The following HCK variants were observed in gnomAD, a reference collection of about 807,000 sequenced individuals.
The protein encoded by HCK is HCK proto-oncogene, Src family tyrosine kinase.
In HCK, 40 loss-of-function variants were observed where a neutral mutation model predicts 70.4. The ratio of observed to expected loss-of-function variants is 0.57; its 90% CI spans 0.44 to 0.74. The LOEUF (loss-of-function observed/expected upper bound fraction) is 0.74, where lower values mean the gene tolerates loss of function less well. Ranked by LOEUF, HCK falls within the 30% of genes least tolerant of loss-of-function variation. The probability of loss-of-function intolerance (pLI) is 0.00; values close to 1 mark genes in which losing one functional copy is unlikely to be tolerated. For missense variants in HCK, 568 were observed against 697.2 expected, an observed-to-expected ratio of 0.81 and a Z score of 2.09; for synonymous variants, 245 against 263.2, an observed-to-expected ratio of 0.93 and a Z score of 0.67.
At chr20:32,080,280 C>T (rs144550500) in intron 6 of HCK, among the ~76,000 whole-genome samples, 14 of 152,120 alleles carry the variant, frequency 9.2e-5, no homozygotes, top group African/African-American at 2.4e-4. Flanking sequence ...CTCACTGCAA[C>T]CTCCACCTCC....
At chr20:32,099,350 C>CTT (rs71336559) in intron 12 of HCK, among the ~76,000 whole-genome samples, 1,291 of 85,146 alleles carry the variant, frequency 0.015, 1 homozygote, top group Non-Finnish European at 0.02. Context: ...ACTCCTATGA[C>CTT]TTTTTTTTTT....
At chr20:32,078,559 A>G (rs773888581) in intron 5 of HCK, among the ~76,000 whole-genome samples, 1 of 151,812 alleles carries the variant, frequency 6.6e-6, no homozygotes, top group Non-Finnish European at 1.5e-5. Context: ...CCTCAATTTC[A>G]TCATCCATAA....
chr20:32,088,310 G>A (rs1405013695), intron 9 of HCK, among the ~76,000 whole-genome samples: 1 of 152,182 alleles, frequency 6.6e-6, no homozygotes, highest in Non-Finnish European at 1.5e-5. Flanking sequence ...TGCCAGTCCT[G>A]TGAAGGCATG....
intron 5 of HCK, among the ~76,000 whole-genome samples, chr20:32,077,381 G>T (rs144486157): frequency 0.01 from 1,551 of 152,250 alleles, 16 homozygotes; most frequent in Admixed American, 0.02. Flanking sequence ...CCAGTTTCTC[G>T]TGAGTCCTCC....
chr20:32,083,783 C>T, intron 6 of HCK, 111 bp from the exon 7 acceptor site: 4 of 1,314,302 alleles, frequency 3.0e-6, no homozygotes, highest in Non-Finnish European at 4.4e-6. Context: ...GGCACTTCTG[C>T]CCAGGTGTCA....
intron 1 of HCK, among the ~76,000 whole-genome samples, chr20:32,065,755 C>G (rs535490430): frequency 6.6e-6 from 1 of 152,254 alleles, no homozygotes; most frequent in African/African-American, 2.4e-5. Context: ...ATTGGCCAGG[C>G]CTGTGTCAAG....
chr20:32,100,145 C>A (rs748744998), intron 12 of HCK, among the ~76,000 whole-genome samples: 2 of 152,038 alleles, frequency 1.3e-5, no homozygotes, highest in East Asian at 3.9e-4. Context: ...CAGGCTCAAA[C>A]GATCCTCCAG....
At chr20:32,058,177 G>C (rs1454963951) in intron 1 of HCK, among the ~76,000 whole-genome samples, 1 of 152,078 alleles carries the variant, frequency 6.6e-6, no homozygotes, top group Non-Finnish European at 1.5e-5. Flanking sequence ...CCAAAGACAG[G>C]TTGTGATGCA....
chr20:32,052,952 C>A (rs1045682296), intron 1 of HCK, among the ~76,000 whole-genome samples: 1 of 152,058 alleles, frequency 6.6e-6, no homozygotes, highest in Admixed American at 6.5e-5. Context: ...GCGTGACGTG[C>A]GAGCCACACC....
chr20:32,061,204 G>A lies in HCK; in HGVS notation c.62+8718G>A, dbSNP rs374136464. ...TCACCATGTTGGCCAGGCTGGTCTT[G>A]AACTCCTGACCTTGTGATTCGCCCG... is the stretch of plus-strand genomic sequence containing the variant. On this transcript the variant is annotated intron_variant, in intron 1 of 12. Coordinates refer to ENST00000375852, the MANE Select transcript of HCK (RefSeq NM_002110.5). 4.2e-4 allele frequency among the ~76,000 whole-genome samples: 64 copies of A among 152,262 alleles called. 2 individuals carry two copies. In the South Asian group the frequency reaches 5.4e-3, roughly 13 times the overall value.
chr20:32,079,666 C>G (rs2045679636), intron 5 of HCK, 108 bp from the exon 6 acceptor site: 1 of 715,312 alleles, frequency 1.4e-6, no homozygotes, highest in East Asian at 2.7e-5. Context: ...GCCAGACCCT[C>G]TGTATCCTGA....
At chr20:32,097,385 C>T (rs1010699337) in intron 11 of HCK, among the ~76,000 whole-genome samples, 1 of 152,084 alleles carries the variant, frequency 6.6e-6, no homozygotes, top group Admixed American at 6.6e-5. Context: ...CGAGACCATC[C>T]TGGCTAACAC....
intron 11 of HCK, among the ~76,000 whole-genome samples, chr20:32,095,358 C>T (rs536947832): frequency 6.6e-6 from 1 of 151,976 alleles, no homozygotes. Context: ...CAGGTTCAAG[C>T]GATTCTTGTG....
chr20:32,054,148 A>C, intron 1 of HCK: 1 of 437,874 alleles, frequency 2.3e-6, no homozygotes. Flanking sequence ...AATTTACTAA[A>C]AGTAACAGAA....
chr20:32,063,580 C>A (rs2045411750), intron 1 of HCK, among the ~76,000 whole-genome samples: 1 of 152,082 alleles, frequency 6.6e-6, no homozygotes, highest in Non-Finnish European at 1.5e-5. Context: ...GGCATGGCTT[C>A]AGTGCCATCA....
chr20:32,052,620 G>C (rs937382708), intron 1 of HCK, 134 bp downstream of exon 1: 7 of 601,086 alleles, frequency 1.2e-5, no homozygotes, highest in Non-Finnish European at 1.7e-5. Context: ...AACGTCGGGG[G>C]AGCCGCGGGT....
At chr20:32,074,106 C>T (rs2045586036) in intron 4 of HCK, among the ~76,000 whole-genome samples, 3 of 152,166 alleles carry the variant, frequency 2.0e-5, no homozygotes. Context: ...ACCTGTGGAC[C>T]AGGCCCCATC....
At chr20:32,054,520 A>G (rs2045236925) in intron 1 of HCK, among the ~76,000 whole-genome samples, 2 of 122,802 alleles carry the variant, frequency 1.6e-5, no homozygotes, top group Admixed American at 1.9e-4. Flanking sequence ...AAAAAAAAAA[A>G]AAAAGCCCGG....
intron 5 of HCK, among the ~76,000 whole-genome samples, chr20:32,076,733 G>A (rs1352531113): frequency 1.3e-5 from 2 of 152,110 alleles, no homozygotes; most frequent in Admixed American, 1.3e-4. Flanking sequence ...CAGGTTCTTG[G>A]GTGAGGCAGC....
Sources: allele counts gnomAD v4.1 joint callset (sites outside exome capture counted in the v4.1 genomes callset), GRCh38; gene constraint gnomAD v4.1.1; transcripts MANE v1.5; gene names NCBI Gene and HGNC (gene_info 2026-07-23, HGNC 2026-07-21).